The following INPP5D variants were observed in gnomAD, a reference collection of about 807,000 sequenced individuals.
INPP5D encodes inositol polyphosphate-5-phosphatase D, also known as phosphatidylinositol 3,4,5-trisphosphate 5-phosphatase 1.
Under a neutral mutation model 122.9 loss-of-function variants are expected in INPP5D, and 33 were observed. That is an observed-to-expected ratio of 0.27 (90% CI 0.20 to 0.36). INPP5D has a LOEUF of 0.36. INPP5D is among the 10% of genes least tolerant of loss of function. INPP5D has a pLI of 1.00. For synonymous variants in INPP5D, 584 were observed against 576.2 expected (o/e 1.01, Z -0.19); for missense variants, 1,053 against 1,412.7 (o/e 0.75, Z 4.08).
In INPP5D at chr2:233,182,511, A is replaced by T; in HGVS notation, c.2161+12A>T. 6.2e-7 allele frequency: 1 copy of T among 1,612,970 alleles called. No homozygotes were observed. Among genetic ancestry groups the T allele is most frequent in the Non-Finnish European group, 8.5e-7 (1 of 1,179,252 alleles). On this transcript the variant is annotated intron_variant, in intron 19 of 26. Transcript: ENST00000445964. ...TGTCTCCAAGAACGGTAAGCAAAGG[A>T]TGGTGTCTGTTTCTCTGTTTTCCTC...
rs565735597 is a variant in INPP5D at position 233,167,207 on chromosome 2, C to CAAAA, written c.1556-2081_1556-2078dup. On this transcript the variant is annotated intron_variant, in intron 13 of 26. Coordinates refer to ENST00000445964, the MANE Select transcript of INPP5D (RefSeq NM_001017915.3). ...GCAACATAGGAAGGTACCATTTCTA[C>CAAAA]AAAAAAAAAAAAAAAAAAAATGGCA... Among the ~76,000 whole-genome samples, 873 of 102,128 alleles carry CAAAA rather than the reference C, an allele frequency of 8.5e-3. 18 individuals carry two copies. Among genetic ancestry groups the CAAAA allele is most frequent in the East Asian group, 0.072 (223 of 3,088 alleles). The allele number at this position is 102,128 out of a possible 152,430, so 67.0% of individuals were successfully genotyped here.
chr2:233,068,979 G>A (rs72982244), intron 1 of INPP5D, among the ~76,000 whole-genome samples: 7,816 of 151,128 alleles, frequency 0.052, 524 homozygotes, highest in African/African-American at 0.16. Flanking sequence ...GAAGACCACT[G>A]GGCTCCAATT....
intron 6 of INPP5D, among the ~76,000 whole-genome samples, chr2:233,144,131 A>C (rs1282743736): frequency 1.4e-5 from 2 of 143,548 alleles, no homozygotes; most frequent in African/African-American, 5.3e-5. Flanking sequence ...GGTGGTCATG[A>C]TCACGGTGGG....
intron 18 of INPP5D, among the ~76,000 whole-genome samples, chr2:233,178,569 G>A (rs1298569431): frequency 2.0e-5 from 3 of 151,890 alleles, no homozygotes; most frequent in African/African-American, 2.4e-5. Flanking sequence ...TGCAACCTCC[G>A]CCTGCCAGGT....
intron 2 of INPP5D, among the ~76,000 whole-genome samples, chr2:233,101,537 A>ATATAT (rs1469076095): frequency 6.8e-6 from 1 of 147,488 alleles, no homozygotes; most frequent in South Asian, 2.1e-4. Flanking sequence ...ATGATATATC[A>ATATAT]TATATTATAT....
chr2:233,060,375 G>T lies in INPP5D; in HGVS notation c.-104G>T. The stretch of plus-strand genomic sequence containing the variant: ...TGGTGGCAGCAGCCGAGGCCACCAA[G>T]AGGCAACGGGCGGCAGGTTGCAGTG... On this transcript the variant is annotated 5_prime_UTR_variant, in exon 1 of 27. Transcript: ENST00000445964. 1 of 1,352,502 alleles carries T rather than the reference G, an allele frequency of 7.4e-7. No individual in the cohort carries two copies. The highest frequency in any genetic ancestry group is 1.4e-5 in the South Asian group (1 of 69,862). The allele number at this position is 1,352,502 out of a possible 1,614,324, so 83.8% of individuals were successfully genotyped here.
chr2:233,146,427 G>A lies in INPP5D; in HGVS notation c.895G>A (p.Val299Ile), dbSNP rs1259297927. ...SPHRPSLIPP[V>I]TFEVKAESLG... ...GCACCGGCCCTCCCTTATCCCTCCA[G>A]TCACCTTTGAGGTAAGTGGCCATGG... The change falls in exon 8 of 27, where the codon GTC (valine) becomes ATC (isoleucine). Residue 299 changes from valine (V) to isoleucine (I), a missense_variant. Coordinates refer to ENST00000445964, the MANE Select transcript of INPP5D (RefSeq NM_001017915.3). The A allele has an allele frequency of 2.8e-6, 2 of 704,124 alleles. No homozygotes were observed. The highest frequency in any genetic ancestry group is 5.2e-6 in the Non-Finnish European group (2 of 385,006). 43.6% of individuals were successfully genotyped at this position (704,124 alleles called of 1,614,324 possible).
chr2:233,138,989 C>T (rs1359392214), intron 5 of INPP5D, among the ~76,000 whole-genome samples: 1 of 151,614 alleles, frequency 6.6e-6, no homozygotes, highest in Non-Finnish European at 1.5e-5. Flanking sequence ...CTCCTGACCT[C>T]GTGATCCGCC....
chr2:233,085,386 G>GA (rs369389658), intron 2 of INPP5D, among the ~76,000 whole-genome samples: 125 of 120,494 alleles, frequency 1.0e-3, no homozygotes, highest in Middle Eastern at 4.6e-3. Flanking sequence ...CTGTCTCAAA[G>GA]AAAAAAAAAA....
chr2:233,133,476 G>T (rs973935378), intron 5 of INPP5D, among the ~76,000 whole-genome samples: 1 of 152,188 alleles, frequency 6.6e-6, no homozygotes, highest in African/African-American at 2.4e-5. Context: ...AACAGAGGTT[G>T]GGGAGAGGCT....
intron 9 of INPP5D, among the ~76,000 whole-genome samples, chr2:233,155,663 A>T (rs1167082718): frequency 7.3e-6 from 1 of 136,776 alleles, no homozygotes; most frequent in African/African-American, 2.7e-5. Flanking sequence ...AATAAATAAT[A>T]AATAAATAAG....
chr2:233,190,651 C>T (rs556217433), intron 22 of INPP5D, among the ~76,000 whole-genome samples: 107 of 152,320 alleles, frequency 7.0e-4, no homozygotes, highest in African/African-American at 2.4e-3. Context: ...AGAGAGACAG[C>T]AGGGGCTTTT....
chr2:233,187,665 C>T (rs73111451), intron 21 of INPP5D, among the ~76,000 whole-genome samples: 51 of 152,298 alleles, frequency 3.3e-4, no homozygotes, highest in South Asian at 6.2e-4. Flanking sequence ...TCAGAGGCTG[C>T]GGCCAGCTCA....
Position 233,078,149 on chromosome 2 carries a change from C to T in INPP5D, c.135-1186C>T, listed in dbSNP as rs1350740462. On this transcript the variant is annotated intron_variant, in intron 1 of 26. Coordinates refer to ENST00000445964, the MANE Select transcript of INPP5D (RefSeq NM_001017915.3). The surrounding 1 kb of genome is among the most constrained non-coding windows in gnomAD (Gnocchi z 4.6). Reference sequence around the variant, plus strand: ...TAGCTTTCCCTCGATCTCCTGACAGCCTTCTGGCCTCAGCAGCCGATGGAT... The same window carrying T: ...TAGCTTTCCCTCGATCTCCTGACAGTCTTCTGGCCTCAGCAGCCGATGGAT... 6.6e-6 allele frequency among the ~76,000 whole-genome samples: 1 copy of T among 152,200 alleles called. No homozygotes were observed. The highest frequency in any genetic ancestry group is 1.5e-5 in the Non-Finnish European group (1 of 68,040).
At chr2:233,110,390 A>T (rs968743511) in intron 2 of INPP5D, among the ~76,000 whole-genome samples, 1 of 149,910 alleles carries the variant, frequency 6.7e-6, no homozygotes, top group Non-Finnish European at 1.5e-5. Context: ...AATAGAGACG[A>T]GTTCTCATTA....
In INPP5D at chr2:233,201,008, A is replaced by ATAAG. The variant is rs1232254689; in HGVS notation, c.2975+2634_2975+2635insAGTA. 1.1e-3 allele frequency among the ~76,000 whole-genome samples: 166 copies of ATAAG among 147,126 alleles called. 1 individual carries two copies. The highest frequency in any genetic ancestry group is 3.9e-3 in the African/African-American group (154 of 39,988). ...AATAAATAAATAAATAAATAAATAA[A>ATAAG]TAGATGAGAGGAAGTCAGGAAGAGA... On this transcript the variant is annotated intron_variant, in intron 25 of 26. Coordinates refer to ENST00000445964, the MANE Select transcript of INPP5D (RefSeq NM_001017915.3).
chr2:233,193,840 G>A lies in INPP5D; in HGVS notation c.2475G>A (p.Glu825=). 1.2e-6 allele frequency: 2 copies of A among 1,613,764 alleles called. No homozygotes were observed. Among genetic ancestry groups the A allele is most frequent in the Non-Finnish European group, 1.7e-6 (2 of 1,179,848 alleles). The change falls in exon 23 of 27, where the codon GAG becomes GAA. Residue 825 remains glutamate (E), a synonymous_variant. Coordinates refer to ENST00000445964, the MANE Select transcript of INPP5D (RefSeq NM_001017915.3). ...AGGGCTGCATTGCCCTTCGGTTAGAGGCCACAGAAACGCAGCTGCCCATCT... is the reference window on the plus strand; with the variant it reads ...AGGGCTGCATTGCCCTTCGGTTAGAAGCCACAGAAACGCAGCTGCCCATCT... ...YGEGCIALRL[E]ATETQLPIYT...
At position 233,189,051 on chromosome 2, in the gene INPP5D, C is replaced by T. The variant is rs1694988159; in HGVS notation, c.2359-799C>T. ...GAAACAGCCCCACATCTGAAAAAGTCATAACTCGTGGCAGACGAGGAGCTA... is the reference window on the plus strand; with the variant it reads ...GAAACAGCCCCACATCTGAAAAAGTTATAACTCGTGGCAGACGAGGAGCTA... On this transcript the variant is annotated intron_variant, in intron 21 of 26. Transcript: ENST00000445964. The surrounding 1 kb of genome is among the most constrained non-coding windows in gnomAD (Gnocchi z 5.6). 6.6e-6 allele frequency among the ~76,000 whole-genome samples: 1 copy of T among 152,224 alleles called. No homozygotes were observed. The highest frequency in any genetic ancestry group is 2.4e-5 in the African/African-American group (1 of 41,454).
In INPP5D at chr2:233,201,032, G is replaced by A. The variant is rs572706557; in HGVS notation, c.2975+2656G>A. Among the ~76,000 whole-genome samples, 195 of 152,086 alleles carry A rather than the reference G, an allele frequency of 1.3e-3. 1 individual carries two copies. The highest frequency in any genetic ancestry group is 4.4e-3 in the African/African-American group (184 of 41,494). ...AATAGATGAGAGGAAGTCAGGAAGA[G>A]AGAGAGAAAAGGACAGGACAGGATA... On this transcript the variant is annotated intron_variant, in intron 25 of 26. Coordinates refer to ENST00000445964, the MANE Select transcript of INPP5D (RefSeq NM_001017915.3).
Sources: gnomAD v4.1 joint callset for allele counts (sites outside exome capture counted in the v4.1 genomes callset) on GRCh38, gnomAD v4.1.1 for gene constraint, Gnocchi (gnomAD v3.1) non-coding constraint, MANE v1.5 for transcripts, NCBI Gene and HGNC (gene_info 2026-07-23, HGNC 2026-07-21) for gene names.